The following MYO9A variants were observed in gnomAD, a reference collection of about 807,000 sequenced individuals.
MYO9A encodes the protein unconventional myosin-IXa.
A neutral mutation model predicts 293.3 loss-of-function variants in MYO9A; 103 were observed. The ratio of observed to expected loss-of-function variants is 0.35; its 90% CI spans 0.30 to 0.41. The LOEUF (loss-of-function observed/expected upper bound fraction) is 0.41, where lower values mean the gene tolerates loss of function less well. Among genes scored for constraint, MYO9A ranks in the 10% least tolerant of loss-of-function variants. MYO9A has a pLI of 1.00. For synonymous variants in MYO9A, 1,001 were observed against 1,035.7 expected, an observed-to-expected ratio of 0.97 and a Z score of 0.64; for missense variants, 2,685 against 3,033.0, an observed-to-expected ratio of 0.89 and a Z score of 2.69.
At chr15:71,867,798 TCACACACACACACACA>T (rs57300333) in intron 32 of MYO9A, among the ~76,000 whole-genome samples, 95 of 127,630 alleles carry the variant, frequency 7.4e-4, no homozygotes, top group Middle Eastern at 3.8e-3. Flanking sequence ...TGGGAATCCA[TCACACACACACACACA>T]CACACACACA....
Position 71,903,932 on chromosome 15 carries a change from G to A in MYO9A, c.2874C>T (p.Phe958=). The change falls in exon 21 of 42, where the codon TTC becomes TTT. Residue 958 remains phenylalanine (F), a synonymous_variant. Coordinates refer to ENST00000356056, the MANE Select transcript of MYO9A (RefSeq NM_006901.4). Reference sequence around the variant, plus strand: ...AATATCACTATAAAAACAGAACCTGGAAAGAATATTTGGAGCTGTATCCTG... The same window carrying A: ...AATATCACTATAAAAACAGAACCTGAAAAGAATATTTGGAGCTGTATCCTG... ...RQSGYSSKYS[F]QDFVSHFHVL... 1 of 1,613,050 alleles carries A rather than the reference G, an allele frequency of 6.2e-7. No homozygotes were observed. Among genetic ancestry groups the A allele is most frequent in the Non-Finnish European group, 8.5e-7 (1 of 1,179,350 alleles).
intron 1 of MYO9A, among the ~76,000 whole-genome samples, chr15:72,073,598 T>C (rs2079258494): frequency 6.6e-6 from 1 of 152,176 alleles, no homozygotes; most frequent in Non-Finnish European, 1.5e-5. Context: ...TGTTTAACAA[T>C]GGTTCAACAT....
intron 33 of MYO9A, among the ~76,000 whole-genome samples, chr15:71,861,023 A>T (rs907764195): frequency 2.6e-5 from 4 of 151,264 alleles, no homozygotes; most frequent in African/African-American, 9.7e-5. Flanking sequence ...GTCATAAAAA[A>T]GAAAATTATT....
In MYO9A at chr15:71,899,895, G is replaced by T. The variant is rs781366403; in HGVS notation, c.3262C>A (p.His1088Asn). ...TCCAAGTACCGCTGCCTCTCTAAGT[G>T]AGCACGCCAGGAAGCTTGGAGAAGA... ...AALLQASWRAHLERQRYLELR... is the reference protein window; with the variant it reads ...AALLQASWRANLERQRYLELR... Residue 1088 changes from histidine (H) to asparagine (N), a missense_variant, in exon 24 of 42, where the codon CAC becomes AAC. This residue lies in a region of MYO9A where 1,434 missense variants were observed against 1,497.7 expected (regional missense o/e 0.96). Transcript: ENST00000356056. 14 of 1,613,928 alleles carry T rather than the reference G, an allele frequency of 8.7e-6. No individual in the cohort carries two copies. The highest frequency in any genetic ancestry group is 1.2e-5 in the Non-Finnish European group (14 of 1,180,038).
intron 8 of MYO9A, among the ~76,000 whole-genome samples, chr15:72,004,995 T>G (rs2076977021): frequency 6.6e-6 from 1 of 152,226 alleles, no homozygotes; most frequent in African/African-American, 2.4e-5. Flanking sequence ...ATCTTTGTAC[T>G]CTATCTCAAC....
chr15:71,849,363 C>T (rs1216031179), intron 38 of MYO9A, among the ~76,000 whole-genome samples: 5 of 152,068 alleles, frequency 3.3e-5, no homozygotes, highest in East Asian at 1.9e-4. Context: ...GCACGAGAAT[C>T]GCTTAAACCT....
At chr15:71,981,048 C>T (rs1277975313) in intron 11 of MYO9A, among the ~76,000 whole-genome samples, 2 of 151,930 alleles carry the variant, frequency 1.3e-5, no homozygotes, top group Non-Finnish European at 2.9e-5. Flanking sequence ...TTATATATCT[C>T]GAGATAACTG....
intron 13 of MYO9A, among the ~76,000 whole-genome samples, chr15:71,965,341 GT>G (rs1238262733): frequency 2.0e-5 from 3 of 151,752 alleles, no homozygotes; most frequent in East Asian, 3.9e-4. Flanking sequence ...TCTTTTTTAA[GT>G]TTTTTTCTTT....
intron 1 of MYO9A, among the ~76,000 whole-genome samples, chr15:72,100,065 A>G (rs1042498693): frequency 6.6e-6 from 1 of 152,064 alleles, no homozygotes; most frequent in African/African-American, 2.4e-5. Flanking sequence ...CCTGGGCAGT[A>G]TAGCAAGACC....
intron 2 of MYO9A, among the ~76,000 whole-genome samples, chr15:72,033,179 T>C (rs536413994): frequency 6.6e-6 from 1 of 152,250 alleles, no homozygotes; most frequent in Admixed American, 6.5e-5. Context: ...AAAAATGTAA[T>C]GTTCTTTAAA....
chr15:71,979,319 G>A (rs192792649), intron 11 of MYO9A, among the ~76,000 whole-genome samples: 4 of 151,968 alleles, frequency 2.6e-5, no homozygotes, highest in Admixed American at 2.6e-4. Flanking sequence ...CAGTAAGAAA[G>A]GTATTTCCCC....
At chr15:72,024,046 A>C (rs1244434768) in intron 4 of MYO9A, among the ~76,000 whole-genome samples, 1 of 152,212 alleles carries the variant, frequency 6.6e-6, no homozygotes, top group Non-Finnish European at 1.5e-5. Flanking sequence ...AAAGGAAAAA[A>C]AAATTGTCAA....
At chr15:71,873,151 A>G (rs1170932573) in intron 32 of MYO9A, among the ~76,000 whole-genome samples, 1 of 151,550 alleles carries the variant, frequency 6.6e-6, no homozygotes, top group Non-Finnish European at 1.5e-5. Flanking sequence ...TCCCGACCTC[A>G]GGTGATCCAC....
At chr15:71,892,057 T>C (rs1452891030) in intron 26 of MYO9A, 1 of 151,974 alleles carries the variant, frequency 6.6e-6, no homozygotes, top group Non-Finnish European at 1.5e-5. Flanking sequence ...TTCTGGTTCA[T>C]ATTAGACATA....
intron 1 of MYO9A, among the ~76,000 whole-genome samples, chr15:72,080,381 T>C (rs1158176899): frequency 1.3e-5 from 2 of 150,394 alleles, no homozygotes; most frequent in South Asian, 4.2e-4. Context: ...CCATGAGAAG[T>C]TTCTCTGGGA....
chr15:72,004,085 T>C (rs1382582200), intron 8 of MYO9A, among the ~76,000 whole-genome samples: 2 of 152,234 alleles, frequency 1.3e-5, no homozygotes, highest in Non-Finnish European at 2.9e-5. Context: ...GTAAGGATCC[T>C]AAATATTACC....
chr15:72,070,943 T>C (rs1479486115), intron 1 of MYO9A, among the ~76,000 whole-genome samples: 3 of 152,284 alleles, frequency 2.0e-5, no homozygotes, highest in South Asian at 2.1e-4. Flanking sequence ...CCTCAAACTA[T>C]AGAAATCCTA....
Position 71,994,183 on chromosome 15 carries a change from T to TA in MYO9A, c.1587+285dup, listed in dbSNP as rs540777167. 4.0e-3 allele frequency among the ~76,000 whole-genome samples: 605 copies of TA among 151,826 alleles called. 4 individuals carry two copies. The highest frequency in any genetic ancestry group is 5.5e-3 in the Non-Finnish European group (376 of 67,924). The stretch of plus-strand genomic sequence containing the variant: ...AGAAAATATTTCAAGAGATTCTAGG[T>TA]AAAAAAAATACATATATTTATGTTT... On this transcript the variant is annotated intron_variant, in intron 10 of 41. Transcript: ENST00000356056.
chr15:71,973,711 C>T (rs1472461414), intron 12 of MYO9A, among the ~76,000 whole-genome samples: 2 of 152,132 alleles, frequency 1.3e-5, no homozygotes, highest in South Asian at 2.1e-4. Context: ...TAAGGATATT[C>T]GCCCAATGAA....
Sources: allele counts gnomAD v4.1 joint callset (sites outside exome capture counted in the v4.1 genomes callset), GRCh38; gene constraint gnomAD v4.1.1; regional missense constraint gnomAD v4.1.1; transcripts MANE v1.5; gene names NCBI Gene and HGNC (gene_info 2026-07-23, HGNC 2026-07-21).